Variants in CSTPP1 observed in about 807,000 individuals in gnomAD.
The protein encoded by CSTPP1 is centriolar satellite-associated tubulin polyglutamylase complex regulator 1.
chr11:47,046,867 T>C, the CSTPP1 span, among the ~76,000 whole-genome samples: 2 of 150,618 alleles, frequency 1.3e-5, no homozygotes, highest in African/African-American at 4.9e-5. Context: ...GGTTTCACCA[T>C]GTTGGTCAGG....
chr11:47,009,989 G>A, the CSTPP1 span, among the ~76,000 whole-genome samples: 7 of 152,262 alleles, frequency 4.6e-5, no homozygotes, highest in African/African-American at 1.7e-4. Flanking sequence ...TCACTGTCAT[G>A]TAAAAATTAG....
the CSTPP1 span, chr11:47,052,144 C>G: frequency 2.3e-4 from 75 of 329,700 alleles, 1 homozygote; most frequent in African/African-American, 1.5e-3. Context: ...CAGATGTCCT[C>G]TGTGTGTACC....
chr11:47,041,243 G>T, the CSTPP1 span: 1 of 234,548 alleles, frequency 4.3e-6, no homozygotes, highest in Non-Finnish European at 9.1e-6. Flanking sequence ...GGGTGATGAT[G>T]ATGTTGTATG....
the CSTPP1 span, among the ~76,000 whole-genome samples, chr11:47,039,652 C>T: frequency 7.8e-6 from 1 of 127,820 alleles, no homozygotes. Flanking sequence ...TCCTGGCTAA[C>T]ATGATGAAAC....
the CSTPP1 span, among the ~76,000 whole-genome samples, chr11:47,014,289 G>C: frequency 6.8e-6 from 1 of 146,506 alleles, no homozygotes; most frequent in Non-Finnish European, 1.5e-5. Flanking sequence ...AAAGGAAGGA[G>C]GGAGGAAGAA....
chr11:47,137,420 T>G, the CSTPP1 span: 1 of 1,512,126 alleles, frequency 6.6e-7, no homozygotes, highest in Non-Finnish European at 8.8e-7. Flanking sequence ...GCTCCTTTGG[T>G]CAAAATGGTG....
the CSTPP1 span, among the ~76,000 whole-genome samples, chr11:47,004,693 A>C: frequency 6.6e-6 from 1 of 152,078 alleles, no homozygotes; most frequent in Non-Finnish European, 1.5e-5. Flanking sequence ...TAGATACAGA[A>C]TTTTAAAACT....
chr11:47,054,853 C>T, the CSTPP1 span, among the ~76,000 whole-genome samples: 1 of 151,420 alleles, frequency 6.6e-6, no homozygotes, highest in East Asian at 1.9e-4. Context: ...TGGTAATTTC[C>T]AAGTTTTTGG....
At chr11:46,968,942 G>A in the CSTPP1 span, among the ~76,000 whole-genome samples, 1 of 150,910 alleles carries the variant, frequency 6.6e-6, no homozygotes, top group Non-Finnish European at 1.5e-5. Context: ...TTTTGTTAAT[G>A]TCTTCATTTA....
the CSTPP1 span, chr11:47,154,368 C>T: frequency 1.3e-5 from 2 of 152,380 alleles, no homozygotes; most frequent in Non-Finnish European, 2.9e-5. Context: ...AGCAAACGCT[C>T]GTTTCCTTCT....
the CSTPP1 span, among the ~76,000 whole-genome samples, chr11:47,020,437 G>A: frequency 6.6e-6 from 1 of 151,858 alleles, no homozygotes; most frequent in Non-Finnish European, 1.5e-5. Context: ...CTAAAGATAA[G>A]TTTTGTGCCC....
chr11:47,136,154 A>T, the CSTPP1 span, among the ~76,000 whole-genome samples: 1 of 152,238 alleles, frequency 6.6e-6, no homozygotes, highest in African/African-American at 2.4e-5. Context: ...GATGATTCAA[A>T]GATAGAACTT....
chr11:46,949,267 AATTG>A, the CSTPP1 span, among the ~76,000 whole-genome samples: 1 of 152,190 alleles, frequency 6.6e-6, no homozygotes, highest in African/African-American at 2.4e-5. Flanking sequence ...TGAAACCTAA[AATTG>A]ATTGTCTTTC....
chr11:47,137,506 C>T, the CSTPP1 span: 20 of 1,517,102 alleles, frequency 1.3e-5, no homozygotes, highest in South Asian at 1.9e-4. Context: ...AGGTTAGAGA[C>T]TAGCATACCC....
At chr11:47,146,447 A>T in the CSTPP1 span, among the ~76,000 whole-genome samples, 1 of 152,114 alleles carries the variant, frequency 6.6e-6, no homozygotes, top group African/African-American at 2.4e-5. Context: ...GTCCAAAGAT[A>T]TAAACAGGCA....
At chr11:47,052,619 CTT>C in the CSTPP1 span, 1 of 1,437,668 alleles carries the variant, frequency 7.0e-7, no homozygotes, top group Non-Finnish European at 9.3e-7. Context: ...CTTTTCCTCT[CTT>C]TCTCTTTCAA....
chr11:47,071,103 G>A, the CSTPP1 span, among the ~76,000 whole-genome samples: 1 of 152,082 alleles, frequency 6.6e-6, no homozygotes, highest in Non-Finnish European at 1.5e-5. Context: ...ATTCAAAAGC[G>A]ACCTCTTAGG....
At chr11:47,105,013 G>A in the CSTPP1 span, among the ~76,000 whole-genome samples, 1 of 152,218 alleles carries the variant, frequency 6.6e-6, no homozygotes, top group African/African-American at 2.4e-5. Context: ...CAGAGTACCA[G>A]GGTTTGATCT....
the CSTPP1 span, among the ~76,000 whole-genome samples, chr11:47,088,689 C>T: frequency 4.6e-5 from 7 of 152,084 alleles, no homozygotes; most frequent in East Asian, 1.9e-4. Flanking sequence ...TGGGACTACA[C>T]GCATGCACCA....
Sources: gnomAD v4.1 joint callset for allele counts (sites outside exome capture counted in the v4.1 genomes callset) on GRCh38, gnomAD v4.1.1 for gene constraint, MANE v1.5 for transcripts, NCBI Gene and HGNC (gene_info 2026-07-23, HGNC 2026-07-21) for gene names.